The following TRIM2 variants were observed in gnomAD, a reference collection of about 807,000 sequenced individuals.
TRIM2 encodes the protein tripartite motif containing 2.
A neutral mutation model predicts 75.2 loss-of-function variants in TRIM2; 20 were observed. The observed-to-expected ratio is 0.27, with a 90% CI of 0.19 to 0.39. The LOEUF (loss-of-function observed/expected upper bound fraction) is 0.39, where lower values mean the gene tolerates loss of function less well. Among genes scored for constraint, TRIM2 ranks in the 10% least tolerant of loss-of-function variants. TRIM2 has a pLI of 1.00. For synonymous variants in TRIM2, 373 were observed against 388.3 expected, an observed-to-expected ratio of 0.96 and a Z score of 0.46; for missense variants, 660 against 990.8, an observed-to-expected ratio of 0.67 and a Z score of 4.48.
chr4:153,207,791 G>T (rs1735884184), intron 1 of TRIM2, among the ~76,000 whole-genome samples: 1 of 152,160 alleles, frequency 6.6e-6, no homozygotes, highest in Non-Finnish European at 1.5e-5. Context: ...GTCCCTCAGG[G>T]TCACGGTTTT....
chr4:153,174,494 G>A (rs1296313110), intron 1 of TRIM2, among the ~76,000 whole-genome samples: 1 of 152,156 alleles, frequency 6.6e-6, no homozygotes, highest in South Asian at 2.1e-4. Flanking sequence ...CCCACCGGGT[G>A]TGCAAAGGAG....
chr4:153,170,487 G>A (rs776742476), intron 1 of TRIM2, among the ~76,000 whole-genome samples: 3 of 152,142 alleles, frequency 2.0e-5, no homozygotes, highest in Non-Finnish European at 2.9e-5. Context: ...CAGATTAGTT[G>A]CAAAGCATCT....
At chr4:153,272,568 C>T (rs1235377599) in intron 2 of TRIM2, among the ~76,000 whole-genome samples, 2 of 152,094 alleles carry the variant, frequency 1.3e-5, no homozygotes, top group Non-Finnish European at 2.9e-5. Context: ...TTCACTGCAG[C>T]CTCAATTTCC....
chr4:153,208,536 TATCC>T (rs1736449214), intron 1 of TRIM2, among the ~76,000 whole-genome samples: 1 of 152,134 alleles, frequency 6.6e-6, no homozygotes, highest in Non-Finnish European at 1.5e-5. Flanking sequence ...GAAAATATAA[TATCC>T]CGTAGATGTG....
chr4:153,290,471 G>A (rs1761618197), intron 3 of TRIM2, among the ~76,000 whole-genome samples: 1 of 152,148 alleles, frequency 6.6e-6, no homozygotes, highest in South Asian at 2.1e-4. Context: ...GCCCCTCAGC[G>A]AATAATTATT....
intron 1 of TRIM2, among the ~76,000 whole-genome samples, chr4:153,233,400 T>C (rs144563278): frequency 6.6e-6 from 1 of 152,304 alleles, no homozygotes; most frequent in African/African-American, 2.4e-5. Context: ...GGTTTTCTTT[T>C]TGAGATATTG....
At chr4:153,257,984 C>T (rs1385704285) in intron 1 of TRIM2, among the ~76,000 whole-genome samples, 4 of 152,180 alleles carry the variant, frequency 2.6e-5, no homozygotes, top group Admixed American at 6.5e-5. Flanking sequence ...CTAATGTGAT[C>T]TGACTAGATT....
upstream of TRIM2, among the ~76,000 whole-genome samples, chr4:153,199,681 ACAGTGCCTGGAG>A (rs1734125217): frequency 6.6e-6 from 1 of 152,206 alleles, no homozygotes; most frequent in African/African-American, 2.4e-5. Context: ...CACCTGCCTC[ACAGTGCCTGGAG>A]CTTAATAGAT....
intron 1 of TRIM2, among the ~76,000 whole-genome samples, chr4:153,213,958 A>G (rs1737773367): frequency 6.6e-6 from 1 of 152,024 alleles, no homozygotes; most frequent in Admixed American, 6.6e-5. Flanking sequence ...ACAATTAGAA[A>G]GTGGCAGCTT....
intron 1 of TRIM2, among the ~76,000 whole-genome samples, chr4:153,227,871 G>A (rs565786434): frequency 5.3e-5 from 8 of 152,136 alleles, no homozygotes; most frequent in Non-Finnish European, 1.0e-4. Context: ...TCAGTGTTTA[G>A]TACTCTCCTC....
chr4:153,337,230 C>T lies in TRIM2; in HGVS notation c.*2264C>T, dbSNP rs1159441266. 1.3e-5 allele frequency: 13 copies of T among 985,430 alleles called. No individual in the cohort carries two copies. The highest frequency in any genetic ancestry group is 1.6e-5 in the Non-Finnish European group (13 of 829,916). The allele number at this position is 985,430 out of a possible 1,614,324, so 61.0% of individuals were successfully genotyped here. On this transcript the variant is annotated 3_prime_UTR_variant, in exon 12 of 12. Transcript: ENST00000338700. ...AAATGGCTTTTTATTTAGATTCTTT[C>T]TGTCCCAGGCTGTTGATCTTAAAAC...
chr4:153,211,648 G>A (rs1192000323), intron 1 of TRIM2, among the ~76,000 whole-genome samples: 1 of 151,664 alleles, frequency 6.6e-6, no homozygotes, highest in Non-Finnish European at 1.5e-5. Context: ...ACCATGCCTG[G>A]CTAATTATTT....
chr4:153,250,168 G>A (rs1412203821), intron 1 of TRIM2, among the ~76,000 whole-genome samples: 1 of 151,490 alleles, frequency 6.6e-6, no homozygotes, highest in Non-Finnish European at 1.5e-5. Flanking sequence ...CACCCAGACT[G>A]GAGTACAGAG....
intron 1 of TRIM2, among the ~76,000 whole-genome samples, chr4:153,171,797 CCCT>C (rs201861873): frequency 0.022 from 3,323 of 150,866 alleles, 135 homozygotes; most frequent in African/African-American, 0.076. Flanking sequence ...CCAACCTTGT[CCCT>C]CCCCGCATCC....
At chr4:153,241,714 A>G (rs970328306) in intron 1 of TRIM2, among the ~76,000 whole-genome samples, 3 of 152,164 alleles carry the variant, frequency 2.0e-5, no homozygotes, top group Non-Finnish European at 4.4e-5. Context: ...TTAGCCATGA[A>G]CTAAAACAAG....
At chr4:153,199,203 T>C (rs561809706) in intron 1 of TRIM2, among the ~76,000 whole-genome samples, 54 of 152,338 alleles carry the variant, frequency 3.5e-4, no homozygotes, top group Admixed American at 7.2e-4. Context: ...TGGCAAAGTC[T>C]TCTTTCCATG....
At chr4:153,275,538 C>T (rs981434512) in intron 2 of TRIM2, among the ~76,000 whole-genome samples, 3 of 152,190 alleles carry the variant, frequency 2.0e-5, no homozygotes, top group African/African-American at 7.2e-5. Context: ...ATGCAAATCA[C>T]ATGGGGAGCT....
chr4:153,244,150 C>G (rs1560872110), intron 1 of TRIM2, among the ~76,000 whole-genome samples: 1 of 141,360 alleles, frequency 7.1e-6, no homozygotes, highest in African/African-American at 2.7e-5. Context: ...TCTTGTTCTT[C>G]TTGTTCTTCT....
chr4:153,296,078 G>C, intron 6 of TRIM2, 42 bp downstream of exon 6: 1 of 1,506,878 alleles, frequency 6.6e-7, no homozygotes, highest in East Asian at 2.3e-5. Context: ...AGCTGGCACT[G>C]GTTAAGGGGT....
Sources: allele counts gnomAD v4.1 joint callset (sites outside exome capture counted in the v4.1 genomes callset), GRCh38; gene constraint gnomAD v4.1.1; transcripts MANE v1.5; gene names NCBI Gene and HGNC (gene_info 2026-07-23, HGNC 2026-07-21).